Variants in CCDC39 observed in about 807,000 individuals in gnomAD.
CCDC39 encodes the protein coiled-coil domain 39 molecular ruler complex subunit.
CCDC39 carries 113 observed loss-of-function variants against 121.0 expected under a neutral mutation model. The ratio of observed to expected loss-of-function variants is 0.93; its 90% CI spans 0.80 to 1.09. The LOEUF (loss-of-function observed/expected upper bound fraction) is 1.09, where lower values mean the gene tolerates loss of function less well. Ranked by LOEUF, CCDC39 falls within the 50% of genes least tolerant of loss-of-function variation. The pLI, the probability that CCDC39 is intolerant of heterozygous loss-of-function variation, is 0.00. For synonymous variants in CCDC39, 349 were observed against 352.2 expected, an observed-to-expected ratio of 0.99 and a Z score of 0.10; for missense variants, 1,063 against 1,074.7, an observed-to-expected ratio of 0.99 and a Z score of 0.15.
chr3:180,676,759 A>C (rs1276462172), intron 1 of CCDC39, among the ~76,000 whole-genome samples: 1 of 152,216 alleles, frequency 6.6e-6, no homozygotes, highest in Non-Finnish European at 1.5e-5. Flanking sequence ...CAACAATGAT[A>C]GACTGGATTA....
At chr3:180,653,032 G>A (rs1711510882) in intron 7 of CCDC39, among the ~76,000 whole-genome samples, 1 of 152,162 alleles carries the variant, frequency 6.6e-6, no homozygotes, top group African/African-American at 2.4e-5. Context: ...CTGTGTTCAT[G>A]GATTGGAAGA....
At chr3:180,657,683 T>C (rs1162952469) in intron 6 of CCDC39, among the ~76,000 whole-genome samples, 1 of 152,214 alleles carries the variant, frequency 6.6e-6, no homozygotes, top group Non-Finnish European at 1.5e-5. Flanking sequence ...CAACAATGTA[T>C]AGCCAATCAA....
At chr3:180,647,490 G>C (rs951487350) in intron 10 of CCDC39, among the ~76,000 whole-genome samples, 5 of 152,116 alleles carry the variant, frequency 3.3e-5, no homozygotes, top group African/African-American at 9.6e-5. Flanking sequence ...GACAAAGTTG[G>C]GGGATGTTTA....
Position 180,663,987 on chromosome 3 carries a change from C to A in CCDC39, c.91-1G>T. On this transcript the variant is annotated splice_acceptor_variant, in intron 1 of 19. Transcript: ENST00000476379. LOFTEE classifies it high-confidence loss of function. ...CTCTTTCATCCTTCAGCTTTGACAA[C>A]TGTAAATAATAAATACTATGATTAA... The A allele has an allele frequency of 1.9e-6, 3 of 1,609,872 alleles. No homozygotes were observed. Among genetic ancestry groups the A allele is most frequent in the Non-Finnish European group, 2.5e-6 (3 of 1,178,686 alleles).
intron 6 of CCDC39, among the ~76,000 whole-genome samples, chr3:180,656,723 TA>T (rs1711589133): frequency 7.0e-6 from 1 of 142,926 alleles, no homozygotes; most frequent in Non-Finnish European, 1.5e-5. Context: ...AGAAACCAGC[TA>T]AAACCCCCCC....
intron 6 of CCDC39, among the ~76,000 whole-genome samples, chr3:180,655,559 G>C (rs1447696808): frequency 2.6e-5 from 4 of 151,532 alleles, no homozygotes; most frequent in Admixed American, 2.0e-4. Flanking sequence ...AAAAGAAAAA[G>C]AAAAAGTAGA....
chr3:180,661,856 T>C lies in CCDC39; in HGVS notation c.357+5A>G, dbSNP rs929081740. 1.3e-6 allele frequency: 2 copies of C among 1,575,138 alleles called. No individual in the cohort carries two copies. Among genetic ancestry groups the C allele is most frequent in the Non-Finnish European group, 1.7e-6 (2 of 1,158,238 alleles). On this transcript the variant is annotated splice_donor_5th_base_variant and intron_variant, in intron 3 of 19. Coordinates refer to ENST00000476379, the MANE Select transcript of CCDC39 (RefSeq NM_181426.2). Reference sequence around the variant, plus strand: ...CAGAATTTTAAGTAATATTTCAACATATACTTCTTTATCACTTTTCTTTTC... The same window carrying C: ...CAGAATTTTAAGTAATATTTCAACACATACTTCTTTATCACTTTTCTTTTC...
chr3:180,655,399 G>A (rs569038295), intron 6 of CCDC39, among the ~76,000 whole-genome samples: 4 of 151,956 alleles, frequency 2.6e-5, no homozygotes, highest in East Asian at 1.9e-4. Context: ...TTCACTGGTC[G>A]TAGAGACAAT....
intron 14 of CCDC39, among the ~76,000 whole-genome samples, chr3:180,620,962 C>T (rs1238431422): frequency 2.0e-5 from 3 of 152,100 alleles, no homozygotes; most frequent in African/African-American, 7.2e-5. Context: ...ACTCCACGCT[C>T]TACCTCCATG....
chr3:180,629,999 A>G (rs1250448729), intron 14 of CCDC39, among the ~76,000 whole-genome samples: 3 of 152,114 alleles, frequency 2.0e-5, no homozygotes, highest in Non-Finnish European at 2.9e-5. Flanking sequence ...AGGGCTTTAC[A>G]TGTATTTTCT....
In CCDC39 at chr3:180,631,581, C is replaced by T. The variant is rs368439919; in HGVS notation, c.1886G>A (p.Arg629His). The T allele has an allele frequency of 6.2e-5, 100 of 1,606,554 alleles. No individual in the cohort carries two copies. The highest frequency in any genetic ancestry group is 1.7e-4 in the Middle Eastern group (1 of 6,050). The change falls in exon 14 of 20, where the codon CGC becomes CAC. Residue 629 changes from arginine (R) to histidine (H), a missense_variant. Transcript: ENST00000476379. ...CTTCTCAATTTTACTTAGCCGCTCG[C>T]GAAACTCAGTGCTAATAAGAAAAAG... is the stretch of plus-strand genomic sequence containing the variant. ...QERENISTEF[R>H]ERLSKIEKLK...
At chr3:180,647,694 A>G (rs1008434827) in intron 10 of CCDC39, among the ~76,000 whole-genome samples, 25 of 149,038 alleles carry the variant, frequency 1.7e-4, no homozygotes, top group Admixed American at 8.0e-4. Flanking sequence ...CTAAGAATAT[A>G]TATTAGATGA....
At chr3:180,618,870 A>G (rs1717346853) in intron 16 of CCDC39, among the ~76,000 whole-genome samples, 3 of 152,078 alleles carry the variant, frequency 2.0e-5, no homozygotes, top group African/African-American at 4.8e-5. Flanking sequence ...ACATTCTTTT[A>G]TCTTTCAGTG....
chr3:180,649,895 G>A (rs1718156463), intron 9 of CCDC39, among the ~76,000 whole-genome samples: 1 of 152,108 alleles, frequency 6.6e-6, no homozygotes, highest in Admixed American at 6.5e-5. Context: ...ATGCTCTTAG[G>A]AAGAAAACAC....
At chr3:180,653,775 T>TA (rs368643499) in intron 7 of CCDC39, among the ~76,000 whole-genome samples, 12 of 152,170 alleles carry the variant, frequency 7.9e-5, no homozygotes, top group African/African-American at 2.9e-4. Flanking sequence ...CCCTCGCAGA[T>TA]ACCAAAATCT....
In CCDC39 at chr3:180,614,961, C is replaced by T; in HGVS notation, c.2786G>A (p.Ser929Asn). Residue 929 changes from serine to asparagine, a missense_variant, in exon 20 of 20, where the codon AGT (serine) becomes AAT (asparagine). Ser to Asn is a conservative substitution (Grantham distance 46). Coordinates refer to ENST00000476379, the MANE Select transcript of CCDC39 (RefSeq NM_181426.2). ...GSPSRPSSAS[S>N]SSSNVKSKKS... The stretch of plus-strand genomic sequence containing the variant: ...TTTGCTCTTAACATTACTAGAGCTA[C>T]TACTAGCACTAGATGGCCTAGAAGG... 1 of 1,566,352 alleles carries T rather than the reference C, an allele frequency of 6.4e-7. No homozygotes were observed. The highest frequency in any genetic ancestry group is 2.3e-5 in the East Asian group (1 of 43,092).
intron 16 of CCDC39, among the ~76,000 whole-genome samples, chr3:180,619,048 G>GCTTA (rs1717351092): frequency 6.6e-6 from 1 of 151,968 alleles, no homozygotes; most frequent in Non-Finnish European, 1.5e-5. Flanking sequence ...AATCATCAGG[G>GCTTA]CTTACCACTA....
At chr3:180,655,893 G>GA (rs1012015144) in intron 6 of CCDC39, among the ~76,000 whole-genome samples, 6 of 152,056 alleles carry the variant, frequency 3.9e-5, no homozygotes, top group Admixed American at 6.6e-5. Flanking sequence ...GGATGAATTA[G>GA]AAAAAAAATT....
Position 180,679,400 on chromosome 3 carries a change from A to C in CCDC39, c.-20T>G. The C allele has an allele frequency of 6.2e-7, 1 of 1,608,452 alleles. No homozygotes were observed. Among genetic ancestry groups the C allele is most frequent in the Non-Finnish European group, 8.5e-7 (1 of 1,174,922 alleles). On this transcript the variant is annotated 5_prime_UTR_variant, in exon 1 of 20. Coordinates refer to ENST00000476379, the MANE Select transcript of CCDC39 (RefSeq NM_181426.2). The surrounding 1 kb of genome is among the most constrained non-coding windows in gnomAD (Gnocchi z 4.0). The stretch of plus-strand genomic sequence containing the variant: ...ACTCATGACTGCAAACGGATAGAGA[A>C]GATACAGAGCAAAGATCCGCCTTCT...
Sources: gnomAD v4.1 joint callset for allele counts (sites outside exome capture counted in the v4.1 genomes callset) on GRCh38, gnomAD v4.1.1 for gene constraint, Gnocchi (gnomAD v3.1) non-coding constraint, MANE v1.5 for transcripts, NCBI Gene and HGNC (gene_info 2026-07-23, HGNC 2026-07-21) for gene names.